SLC8A1: variants seen among roughly 807,000 people sequenced by gnomAD.
SLC8A1 encodes sodium/calcium exchanger 1.
SLC8A1 carries 18 observed loss-of-function variants against 68.3 expected under a neutral mutation model. The ratio of observed to expected loss-of-function variants is 0.26; its 90% CI spans 0.18 to 0.39. SLC8A1 has a LOEUF of 0.39. Ranked by LOEUF, SLC8A1 falls within the 10% of genes least tolerant of loss-of-function variation. SLC8A1 has a pLI of 1.00. For missense variants in SLC8A1, 985 were observed against 1,156.7 expected, an observed-to-expected ratio of 0.85 and a Z score of 2.15; for synonymous variants, 475 against 415.5, an observed-to-expected ratio of 1.14 and a Z score of -1.74.
chr2:40,382,525 C>T (rs1378732278), intron 2 of SLC8A1, among the ~76,000 whole-genome samples: 11 of 152,128 alleles, frequency 7.2e-5, no homozygotes, highest in Admixed American at 6.6e-4. Context: ...AAGCAGAATG[C>T]CTTGTAAGTA....
intron 1 of SLC8A1, among the ~76,000 whole-genome samples, chr2:40,450,876 C>G (rs1702332305): frequency 6.6e-6 from 1 of 152,146 alleles, no homozygotes; most frequent in African/African-American, 2.4e-5. Context: ...TTCATCACCC[C>G]TGTTCTCAAC....
chr2:40,194,469 A>ATGTGTG lies in SLC8A1; in HGVS notation c.1809-16620_1809-16615dup, dbSNP rs543194094. ...AATGACTCAGGTTACTCAGTAAGCA[A>ATGTGTG]TGTGTGTGTGTGTGTGTGTGTGTGT... On this transcript the variant is annotated intron_variant, in intron 2 of 7. Coordinates refer to ENST00000406785, the Ensembl canonical transcript of SLC8A1. Among the ~76,000 whole-genome samples the ATGTGTG allele has an allele frequency of 4.8e-3, 666 of 137,424 alleles. 3 individuals carry two copies. Among genetic ancestry groups the ATGTGTG allele is most frequent in the African/African-American group, 9.8e-3 (363 of 36,970 alleles). 90.2% of individuals were successfully genotyped at this position (137,424 alleles called of 152,430 possible).
intron 7 of SLC8A1, among the ~76,000 whole-genome samples, chr2:40,133,090 G>A (rs1238998886): frequency 6.6e-6 from 1 of 152,144 alleles, no homozygotes. Context: ...GAATTGCCAT[G>A]TATCATTAGG....
chr2:40,386,694 G>T (rs1259244477), intron 2 of SLC8A1, among the ~76,000 whole-genome samples: 1 of 150,422 alleles, frequency 6.6e-6, no homozygotes, highest in African/African-American at 2.5e-5. Flanking sequence ...TGTAGGAAAA[G>T]TCAGTAAGTC....
intron 1 of SLC8A1, among the ~76,000 whole-genome samples, chr2:40,500,282 C>G (rs866802394): frequency 1.3e-5 from 2 of 152,018 alleles, no homozygotes; most frequent in Non-Finnish European, 2.9e-5. Flanking sequence ...ATGGACCATA[C>G]CTTTCTCATA....
chr2:40,246,102 T>G (rs1359761886), intron 2 of SLC8A1, among the ~76,000 whole-genome samples: 1 of 152,230 alleles, frequency 6.6e-6, no homozygotes, highest in East Asian at 1.9e-4. Flanking sequence ...TAATTCCTTT[T>G]TTTTCTGCTT....
chr2:40,373,943 G>C (rs895226657), intron 2 of SLC8A1, among the ~76,000 whole-genome samples: 2 of 152,202 alleles, frequency 1.3e-5, no homozygotes, highest in Admixed American at 6.5e-5. Flanking sequence ...AAGGCAACTT[G>C]ATAGAGCAAA....
At chr2:40,154,486 T>C (rs868079691) in intron 6 of SLC8A1, among the ~76,000 whole-genome samples, 2,945 of 141,790 alleles carry the variant, frequency 0.021, 98 homozygotes, top group African/African-American at 0.058. Flanking sequence ...TTTCTTTTCT[T>C]TTTTTTTTTT....
intron 2 of SLC8A1, among the ~76,000 whole-genome samples, 193 bp from the exon 3 acceptor site, chr2:40,178,686 A>T (rs1197414644): frequency 6.6e-6 from 1 of 152,246 alleles, no homozygotes; most frequent in Non-Finnish European, 1.5e-5. Context: ...CACCCAATGC[A>T]TAGCTCCCCT....
chr2:40,403,374 C>G (rs1172780035), intron 2 of SLC8A1, among the ~76,000 whole-genome samples: 1 of 152,320 alleles, frequency 6.6e-6, no homozygotes, highest in East Asian at 1.9e-4. Flanking sequence ...AGGGAGCTTT[C>G]TCAATGGCTC....
chr2:40,206,566 G>C (rs2055493611), intron 2 of SLC8A1, among the ~76,000 whole-genome samples: 1 of 151,920 alleles, frequency 6.6e-6, no homozygotes, highest in Admixed American at 6.6e-5. Flanking sequence ...CAGAAATTCA[G>C]GGAAGGCCTG....
At chr2:40,299,406 T>C (rs1477816413) in intron 2 of SLC8A1, among the ~76,000 whole-genome samples, 1 of 152,210 alleles carries the variant, frequency 6.6e-6, no homozygotes, top group Admixed American at 6.5e-5. Context: ...TTCTTGACTT[T>C]TCTTTCCCTC....
intron 2 of SLC8A1, chr2:40,255,037 T>C (rs950547391): frequency 6.6e-6 from 1 of 151,250 alleles, no homozygotes; most frequent in Non-Finnish European, 1.5e-5. Context: ...CTTCATTCTT[T>C]GCTTTTTATT....
At chr2:40,438,104 T>G (rs1699784872) in intron 1 of SLC8A1, among the ~76,000 whole-genome samples, 1 of 152,150 alleles carries the variant, frequency 6.6e-6, no homozygotes. Context: ...ACTGTGGTCC[T>G]GCAAGCTAGA....
intron 2 of SLC8A1, chr2:40,210,110 A>G (rs2056309154): frequency 1.3e-5 from 2 of 152,076 alleles, no homozygotes; most frequent in Non-Finnish European, 1.5e-5. Flanking sequence ...TTAAACATCT[A>G]TCTATCTTTG....
At chr2:40,421,786 G>C (rs943824866) in intron 2 of SLC8A1, among the ~76,000 whole-genome samples, 1 of 152,150 alleles carries the variant, frequency 6.6e-6, no homozygotes, top group Admixed American at 6.5e-5. Context: ...AAAAAGAATT[G>C]TTTATTTAGC....
chr2:40,416,760 T>G (rs1484894634), intron 2 of SLC8A1, among the ~76,000 whole-genome samples: 2 of 152,096 alleles, frequency 1.3e-5, no homozygotes. Context: ...TGTTTCCTTC[T>G]GCATTCCATT....
intron 6 of SLC8A1, 80 bp downstream of exon 9, chr2:40,160,685 A>G (rs534703822): frequency 5.2e-4 from 658 of 1,274,214 alleles, no homozygotes; most frequent in Non-Finnish European, 7.1e-4. Flanking sequence ...GTGCTTTGCC[A>G]TAGACCAAGT....
At position 40,463,839 on chromosome 2, in the gene SLC8A1, T is replaced by TACAC. The variant is rs761954909; in HGVS notation, c.-24-33539_-24-33536dup. Among the ~76,000 whole-genome samples the TACAC allele has an allele frequency of 6.2e-3, 761 of 123,306 alleles. 3 individuals are homozygous for TACAC. Among genetic ancestry groups the TACAC allele is most frequent in the Admixed American group, 0.012 (141 of 12,006 alleles). 80.9% of individuals were successfully genotyped at this position (123,306 alleles called of 152,430 possible). A position where few individuals can be genotyped will look rare whatever the true frequency, so the allele number is the denominator to read the frequency against. Reference sequence around the variant, plus strand: ...GGATATATACATACACACACACACATACACACACACACACACACACACACA... The same window carrying TACAC: ...GGATATATACATACACACACACACATACACACACACACACACACACACACACACA... On this transcript the variant is annotated intron_variant, in intron 1 of 7. Transcript: ENST00000402441.
Sources: allele counts gnomAD v4.1 joint callset (sites outside exome capture counted in the v4.1 genomes callset), GRCh38; gene constraint gnomAD v4.1.1; transcripts MANE v1.5; gene names NCBI Gene and HGNC (gene_info 2026-07-23, HGNC 2026-07-21).